ANKDD1B: variants seen among roughly 807,000 people sequenced by gnomAD.
ANKDD1B encodes the protein ankyrin repeat and death domain containing 1B, also known as ankyrin repeat and death domain-containing protein 1B.
A neutral mutation model predicts 59.7 loss-of-function variants in ANKDD1B; 57 were observed. The ratio of observed to expected loss-of-function variants is 0.95; its 90% CI spans 0.77 to 1.19. The LOEUF (loss-of-function observed/expected upper bound fraction) is 1.19. ANKDD1B is among the 50% of genes most tolerant of loss of function. The pLI is 0.00. For missense variants in ANKDD1B, 602 were observed against 641.9 expected, an observed-to-expected ratio of 0.94 and a Z score of 0.67; for synonymous variants, 216 against 239.5, an observed-to-expected ratio of 0.90 and a Z score of 0.91.
intron 2 of ANKDD1B, among the ~76,000 whole-genome samples, chr5:75,618,205 A>C (rs1773762640): frequency 6.6e-6 from 1 of 152,234 alleles, no homozygotes; most frequent in African/African-American, 2.4e-5. Context: ...GTCTCTTTGA[A>C]GGGAATATTT....
chr5:75,668,646 T>C (rs1156845813), intron 12 of ANKDD1B, among the ~76,000 whole-genome samples: 1 of 152,180 alleles, frequency 6.6e-6, no homozygotes, highest in Non-Finnish European at 1.5e-5. Context: ...CACAGAGGCT[T>C]TGTGGCTCCC....
At chr5:75,620,138 G>A (rs1207421034) in intron 2 of ANKDD1B, among the ~76,000 whole-genome samples, 177 bp from the exon 3 acceptor site, 1 of 152,172 alleles carries the variant, frequency 6.6e-6, no homozygotes, top group Non-Finnish European at 1.5e-5. Flanking sequence ...ATCTCATAAT[G>A]AAGGCAGAAT....
chr5:75,637,240 C>CAAAAACAAAAAAAAAAAAAAA (rs1774338193), intron 7 of ANKDD1B, among the ~76,000 whole-genome samples: 1 of 69,956 alleles, frequency 1.4e-5, no homozygotes, highest in Non-Finnish European at 2.5e-5. Context: ...GACTCTGTCT[C>CAAAAACAAAAAAAAAAAAAAA]AAAAAAAAAA....
chr5:75,618,343 C>A (rs188709955), intron 2 of ANKDD1B, among the ~76,000 whole-genome samples: 2 of 152,246 alleles, frequency 1.3e-5, no homozygotes, highest in African/African-American at 4.8e-5. Context: ...CTCTAGTATA[C>A]TATTCAAAAC....
At chr5:75,637,470 T>C (rs911725478) in intron 7 of ANKDD1B, among the ~76,000 whole-genome samples, 1 of 152,044 alleles carries the variant, frequency 6.6e-6, no homozygotes, top group African/African-American at 2.4e-5. Context: ...ATTTCTAAAC[T>C]TGATGCCTCT....
At chr5:75,615,796 C>T (rs1380409922) in intron 1 of ANKDD1B, among the ~76,000 whole-genome samples, 1 of 151,952 alleles carries the variant, frequency 6.6e-6, no homozygotes, top group Non-Finnish European at 1.5e-5. Context: ...TTTAAAGGCC[C>T]TATCTCCAAA....
intron 1 of ANKDD1B, among the ~76,000 whole-genome samples, chr5:75,613,037 G>C (rs1246327129): frequency 6.6e-6 from 1 of 152,212 alleles, no homozygotes; most frequent in Non-Finnish European, 1.5e-5. Context: ...GTTCCTCTGT[G>C]TCAAAGTTGC....
rs183281939 is a variant in ANKDD1B, at chr5:75,625,526, T to C, written c.397-121T>C. The C allele has an allele frequency of 9.6e-5, 71 of 739,410 alleles. No homozygotes were observed. The African/African-American group carries it at 1.2e-3, about 13-fold the overall frequency. 45.8% of individuals were successfully genotyped at this position (739,410 alleles called of 1,614,324 possible). ...ACCGAAATATCACTTTTGCTGCATA[T>C]TAAATTCTCTATTTCTTAGTTTTCA... On this transcript the variant is annotated intron_variant, in intron 3 of 13. Coordinates refer to ENST00000601380, the MANE Select transcript of ANKDD1B (RefSeq NM_001276713.2).
At chr5:75,655,344 G>A (rs1392426487) in intron 8 of ANKDD1B, among the ~76,000 whole-genome samples, 1 of 152,188 alleles carries the variant, frequency 6.6e-6, no homozygotes, top group Non-Finnish European at 1.5e-5. Flanking sequence ...GACTCCGTGC[G>A]GGGAGAGCTG....
intron 5 of ANKDD1B, among the ~76,000 whole-genome samples, chr5:75,628,900 A>T (rs985692618): frequency 1.3e-5 from 2 of 152,214 alleles, no homozygotes; most frequent in Non-Finnish European, 2.9e-5. Flanking sequence ...ATCAAAAATA[A>T]ATACTCAGAC....
rs1421852439 is a variant in ANKDD1B, at chr5:75,625,946, G to A, written c.591G>A (p.Gln197=). Reference sequence around the variant, plus strand: ...ATCTGCACCTCAAGGACCTGAACCAGCCTGATGAGGTGTGTTCACTTTGGT... The same window carrying A: ...ATCTGCACCTCAAGGACCTGAACCAACCTGATGAGGTGTGTTCACTTTGGT... ...IQDLHLKDLN[Q]PDEKGRKPFL... is the part of the protein sequence containing the mutation. Residue 197 remains glutamine (Q), a synonymous_variant, in exon 5 of 14, where the codon CAG becomes CAA. Transcript: ENST00000601380. 4.6e-6 allele frequency: 7 copies of A among 1,534,724 alleles called. No homozygotes were observed. Among genetic ancestry groups the A allele is most frequent in the Non-Finnish European group, 6.1e-6 (7 of 1,145,786 alleles).
intron 2 of ANKDD1B, 74 bp from the exon 3 acceptor site, chr5:75,620,241 C>A: frequency 1.5e-6 from 1 of 684,098 alleles, no homozygotes; most frequent in Non-Finnish European, 2.4e-6. Context: ...AAAGTGTGGC[C>A]ATTCAAGAAA....
At chr5:75,654,570 C>T (rs1400750051) in intron 8 of ANKDD1B, among the ~76,000 whole-genome samples, 2 of 152,030 alleles carry the variant, frequency 1.3e-5, no homozygotes, top group African/African-American at 4.8e-5. Flanking sequence ...GCCTCAGCTA[C>T]TTGGGAGGCT....
chr5:75,620,253 A>C (rs1773811539), intron 2 of ANKDD1B, 62 bp from the exon 3 acceptor site: 1 of 827,814 alleles, frequency 1.2e-6, no homozygotes, highest in Non-Finnish European at 1.9e-6. Context: ...TTCAAGAAAC[A>C]GGAAACCTAA....
At position 75,671,029 on chromosome 5, in the gene ANKDD1B, GT is replaced by G. The variant is rs1327470275; in HGVS notation, c.1577del (p.Val526GlufsTer22). The G allele has an allele frequency of 8.1e-7, 1 of 1,227,244 alleles. No individual in the cohort carries two copies. The highest frequency in any genetic ancestry group is 1.0e-6 in the Non-Finnish European group (1 of 983,740). 76.0% of individuals were successfully genotyped at this position (1,227,244 alleles called of 1,614,324 possible). A position where few individuals can be genotyped will look rare whatever the true frequency, so the allele number is the denominator to read the frequency against. The part of the protein sequence containing the change: ...SKTDSNSKKC[V>X]VS ...AACTGACTCAAACTCCAAGAAATGT[GT>G]AGTTTCATAAATGCCTAAAGAAATT... On this transcript the variant is annotated frameshift_variant, in exon 14 of 14. Coordinates refer to ENST00000601380, the MANE Select transcript of ANKDD1B (RefSeq NM_001276713.2). LOFTEE classifies it high-confidence loss of function.
At chr5:75,656,755 G>A (rs1300659807) in intron 9 of ANKDD1B, among the ~76,000 whole-genome samples, 1 of 152,204 alleles carries the variant, frequency 6.6e-6, no homozygotes, top group South Asian at 2.1e-4. Flanking sequence ...ATATGTAGGG[G>A]AGTGGGAAGA....
chr5:75,664,227 G>T (rs1775247095), intron 11 of ANKDD1B, among the ~76,000 whole-genome samples: 1 of 152,166 alleles, frequency 6.6e-6, no homozygotes, highest in East Asian at 1.9e-4. Flanking sequence ...TACAAACCTG[G>T]ATTGCTGTCC....
chr5:75,671,262 T>C lies in ANKDD1B; in HGVS notation c.*222T>C. The C allele has an allele frequency of 3.0e-6, 1 of 337,236 alleles. No homozygotes were observed. The highest frequency in any genetic ancestry group is 5.3e-6 in the Non-Finnish European group (1 of 187,008). 20.9% of individuals were successfully genotyped at this position (337,236 alleles called of 1,614,324 possible). A position where few individuals can be genotyped will look rare whatever the true frequency, so the allele number is the denominator to read the frequency against. On this transcript the variant is annotated 3_prime_UTR_variant, in exon 14 of 14. Transcript: ENST00000601380. ...GCAAGTTGTATGTGATTTTCCCATT[T>C]CTATCAATCATTTGATGTAATCCAT...
chr5:75,631,208 G>A, intron 5 of ANKDD1B, among the ~76,000 whole-genome samples: 1 of 152,144 alleles, frequency 6.6e-6, no homozygotes, highest in East Asian at 1.9e-4. Flanking sequence ...CCACACTAGG[G>A]CACAAGACCT....
Sources: gnomAD v4.1 joint callset for allele counts (sites outside exome capture counted in the v4.1 genomes callset) on GRCh38, gnomAD v4.1.1 for gene constraint, MANE v1.5 for transcripts, NCBI Gene and HGNC (gene_info 2026-07-23, HGNC 2026-07-21) for gene names.